SOST: variants seen among roughly 807,000 people sequenced by gnomAD.
SOST encodes the protein sclerosteosis.
SOST carries 14 observed loss-of-function variants against 16.7 expected under a neutral mutation model. That is an observed-to-expected ratio of 0.84 (90% CI 0.55 to 1.31). The LOEUF is 1.31. Ranked by LOEUF, SOST falls within the 50% of genes most tolerant of loss-of-function variation. The probability of loss-of-function intolerance (pLI) is 0.00; values close to 1 mark genes in which losing one functional copy is unlikely to be tolerated. For missense variants in SOST, 291 were observed against 310.7 expected (o/e 0.94, Z 0.48); for synonymous variants, 150 against 140.9 (o/e 1.06, Z -0.46).
In SOST at chr17:43,755,244, A is replaced by G. The variant is rs970379931; in HGVS notation, c.*98T>C. ...CTGCCCTGGGTTGCAGGCATTTACA[A>G]TGAAATATAAACAATCAAACCACGC... On this transcript the variant is annotated 3_prime_UTR_variant, in exon 2 of 2. Coordinates refer to ENST00000301691, the MANE Select transcript of SOST (RefSeq NM_025237.3). This position sits in a 1 kb window ranked among gnomAD's most constrained non-coding sequence, Gnocchi z 4.3. The G allele has an allele frequency of 4.1e-6, 5 of 1,211,196 alleles. No homozygotes were observed. Among genetic ancestry groups the G allele is most frequent in the East Asian group, 5.6e-5 (2 of 35,694 alleles). The allele number at this position is 1,211,196 out of a possible 1,614,324, so 75.0% of individuals were successfully genotyped here. A position where few individuals can be genotyped will look rare whatever the true frequency, so the allele number is the denominator to read the frequency against.
rs1030513458 is a variant in SOST, at chr17:43,755,158, C to T, written c.*184G>A. ...CTGCCCCGTGGGACCCCTCAGCTGG[C>T]GGGCTGAGGGGGGCCTTGCCGGCGC... On this transcript the variant is annotated 3_prime_UTR_variant, in exon 2 of 2. Coordinates refer to ENST00000301691, the MANE Select transcript of SOST (RefSeq NM_025237.3). The surrounding 1 kb of genome is among the most constrained non-coding windows in gnomAD (Gnocchi z 4.3). The T allele has an allele frequency of 2.1e-5, 12 of 562,176 alleles. No individual in the cohort carries two copies. Among genetic ancestry groups the T allele is most frequent in the Admixed American group, 1.6e-4 (4 of 25,644 alleles). 34.8% of individuals were successfully genotyped at this position (562,176 alleles called of 1,614,324 possible). A position where few individuals can be genotyped will look rare whatever the true frequency, so the allele number is the denominator to read the frequency against.
intron 1 of SOST, among the ~76,000 whole-genome samples, chr17:43,756,077 T>C (rs984602637): frequency 6.4e-4 from 98 of 152,258 alleles, no homozygotes; most frequent in African/African-American, 2.4e-3. Flanking sequence ...GCCCCAAGCA[T>C]TGCGAGTTAA....
At chr17:43,758,435 C>G in intron 1 of SOST, 87 bp downstream of exon 1, 1 of 1,063,218 alleles carries the variant, frequency 9.4e-7, no homozygotes, top group Non-Finnish European at 1.4e-6. Context: ...TTCACTGGGT[C>G]TACCCCAGTC....
In SOST at chr17:43,754,327, T is replaced by C. The variant is rs1974103099; in HGVS notation, c.*1015A>G. Reference sequence around the variant, plus strand: ...GAACCTTTCACTTCTCTTCGGAAGGTGACTTTAAAACATGGCTATGGGTCG... The same window carrying C: ...GAACCTTTCACTTCTCTTCGGAAGGCGACTTTAAAACATGGCTATGGGTCG... On this transcript the variant is annotated 3_prime_UTR_variant, in exon 2 of 2. Coordinates refer to ENST00000301691, the MANE Select transcript of SOST (RefSeq NM_025237.3). 1 of 150,092 alleles carries C rather than the reference T, an allele frequency of 6.7e-6. No homozygotes were observed. Among genetic ancestry groups the C allele is most frequent in the Non-Finnish European group, 1.5e-5 (1 of 67,618 alleles). 9.3% of individuals were successfully genotyped at this position (150,092 alleles called of 1,614,324 possible). A position where few individuals can be genotyped will look rare whatever the true frequency, so the allele number is the denominator to read the frequency against.
chr17:43,758,644 G>C lies in SOST; in HGVS notation c.98C>G (p.Ala33Gly). Residue 33 changes from alanine (A) to glycine (G), a missense_variant, in exon 1 of 2, where the codon GCC becomes GGC. By Grantham distance (60) the Ala-to-Gly change is moderately conservative. Coordinates refer to ENST00000301691, the MANE Select transcript of SOST (RefSeq NM_025237.3). ...GQGWQAFKND[A>G]TEIIPELGEY... Reference sequence around the variant, plus strand: ...TCCGAGCTCGGGGATGATTTCCGTGGCATCATTCTTGAACGCCTGCCACCC... The same window carrying C: ...TCCGAGCTCGGGGATGATTTCCGTGCCATCATTCTTGAACGCCTGCCACCC... 1 of 1,614,130 alleles carries C rather than the reference G, an allele frequency of 6.2e-7. No individual in the cohort carries two copies. The highest frequency in any genetic ancestry group is 8.5e-7 in the Non-Finnish European group (1 of 1,180,016).
intron 1 of SOST, among the ~76,000 whole-genome samples, chr17:43,756,233 G>C (rs1974129551): frequency 6.6e-6 from 1 of 152,108 alleles, no homozygotes; most frequent in Non-Finnish European, 1.5e-5. Context: ...GCCTGGGCAG[G>C]GTAAGTACTC....
chr17:43,757,785 T>A (rs1239226004), intron 1 of SOST, among the ~76,000 whole-genome samples: 1 of 152,150 alleles, frequency 6.6e-6, no homozygotes, highest in Non-Finnish European at 1.5e-5. Flanking sequence ...TGCACCCATG[T>A]CAGGGGCTAA....
intron 1 of SOST, among the ~76,000 whole-genome samples, chr17:43,757,391 G>A (rs932148677): frequency 3.3e-5 from 5 of 152,160 alleles, no homozygotes; most frequent in Non-Finnish European, 4.4e-5. Context: ...TTTTGAAGAC[G>A]GAGGGTCCTG....
chr17:43,755,545 G>C lies in SOST; in HGVS notation c.439C>G (p.Leu147Val), dbSNP rs1227335333. The C allele has an allele frequency of 1.9e-6, 3 of 1,595,396 alleles. No individual in the cohort carries two copies. Among genetic ancestry groups the C allele is most frequent in the Non-Finnish European group, 2.5e-6 (3 of 1,176,758 alleles). Residue 147 changes from leucine to valine, a missense_variant, in exon 2 of 2, where the codon CTG becomes GTG. Leu to Val is a conservative substitution (Grantham distance 32, BLOSUM62 1). Coordinates refer to ENST00000301691, the MANE Select transcript of SOST (RefSeq NM_025237.3). The surrounding 1 kb of genome is among the most constrained non-coding windows in gnomAD (Gnocchi z 4.3). ...CGCGGCGCCTCACCACCGGGACACA[G>C]CAGCTGCACGCGCTGCGCGCGGTAG... ...DRYRAQRVQL[L>V]CPGGEAPRAR...
chr17:43,755,819 ACC>A lies in SOST; in HGVS notation c.221-58_221-57del. 4 of 1,526,326 alleles carry A rather than the reference ACC, an allele frequency of 2.6e-6. No individual in the cohort carries two copies. Among genetic ancestry groups the A allele is most frequent in the Non-Finnish European group, 2.6e-6 (3 of 1,141,602 alleles). The allele number at this position is 1,526,326 out of a possible 1,614,324, so 94.5% of individuals were successfully genotyped here. A position where few individuals can be genotyped will look rare whatever the true frequency, so the allele number is the denominator to read the frequency against. ...GCCCGCCTGGCCACCCCTGCCCTGG[ACC>A]GGCCCGTCTCTCTCCACCCCAGCCC... On this transcript the variant is annotated intron_variant, in intron 1 of 1. Coordinates refer to ENST00000301691, the MANE Select transcript of SOST (RefSeq NM_025237.3). The surrounding 1 kb of genome is among the most constrained non-coding windows in gnomAD (Gnocchi z 4.3).
Position 43,756,961 on chromosome 17 carries a change from G to T in SOST, c.221-1198C>A, listed in dbSNP as rs115565514. Among the ~76,000 whole-genome samples the T allele has an allele frequency of 8.5e-3, 1,293 of 152,290 alleles. 19 individuals carry two copies. Among genetic ancestry groups the T allele is most frequent in the African/African-American group, 0.029 (1,225 of 41,562 alleles). On this transcript the variant is annotated intron_variant, in intron 1 of 1. Coordinates refer to ENST00000301691, the MANE Select transcript of SOST (RefSeq NM_025237.3). ...ATGTGACAAGAAAGAATGAAAAATA[G>T]TCTTAAGACCAAACCAGAGAGGGGA...
chr17:43,756,387 G>A (rs951817904), intron 1 of SOST, among the ~76,000 whole-genome samples: 3 of 152,118 alleles, frequency 2.0e-5, no homozygotes, highest in Non-Finnish European at 4.4e-5. Context: ...GGACTGAAGG[G>A]GAGGTGATCA....
chr17:43,757,220 G>C (rs1379695632), intron 1 of SOST, among the ~76,000 whole-genome samples: 1 of 152,250 alleles, frequency 6.6e-6, no homozygotes, highest in Non-Finnish European at 1.5e-5. Context: ...TCATGACTTT[G>C]TTTTGAGCAT....
At position 43,755,893 on chromosome 17, in the gene SOST, AT is replaced by A. The variant is rs1974125879; in HGVS notation, c.221-131del. The A allele has an allele frequency of 9.2e-7, 1 of 1,083,750 alleles. No homozygotes were observed. Among genetic ancestry groups the A allele is most frequent in the Non-Finnish European group, 1.3e-6 (1 of 767,004 alleles). 67.1% of individuals were successfully genotyped at this position (1,083,750 alleles called of 1,614,324 possible). ...CAGAGGCTTTTGCCCCTGAACATCTATTGCAGGAAGGTCCCAGATGCTCTAG... is the reference window on the plus strand; with the variant it reads ...CAGAGGCTTTTGCCCCTGAACATCTATGCAGGAAGGTCCCAGATGCTCTAG... On this transcript the variant is annotated intron_variant, in intron 1 of 1. Coordinates refer to ENST00000301691, the MANE Select transcript of SOST (RefSeq NM_025237.3). The surrounding 1 kb of genome is among the most constrained non-coding windows in gnomAD (Gnocchi z 4.3).
At chr17:43,756,282 CT>C (rs1326010364) in intron 1 of SOST, among the ~76,000 whole-genome samples, 4 of 152,210 alleles carry the variant, frequency 2.6e-5, no homozygotes, top group Admixed American at 2.6e-4. Flanking sequence ...TCCCAAATTC[CT>C]TTTCCAGCCA....
rs1324682145 is a variant in SOST at position 43,758,749 on chromosome 17, G to A, written c.-8C>T. ...GGCCAGTGGGAGCTGCATGGTACCA[G>A]CCAGAGGAGGGCACGCCACCTTCCA... On this transcript the variant is annotated 5_prime_UTR_variant, in exon 1 of 2. Transcript: ENST00000301691. The A allele has an allele frequency of 1.9e-6, 3 of 1,610,776 alleles. No homozygotes were observed. In the Admixed American group the frequency reaches 5.0e-5, roughly 27 times the overall value.
chr17:43,755,754 T>A lies in SOST; in HGVS notation c.230A>T (p.Glu77Val). ...HHPFETKDVS[E>V]YSCRELHFTR... ...GAAGTGCAGCTCGCGGCAGCTGTAC[T>A]CGGACACGTCTGTGGAGAGAGGCGC... The change falls in exon 2 of 2, where the codon GAG becomes GTG. Residue 77 changes from glutamate to valine, a missense_variant. Transcript: ENST00000301691. This position sits in a 1 kb window ranked among gnomAD's most constrained non-coding sequence, Gnocchi z 4.3. 6.3e-7 allele frequency: 1 copy of A among 1,580,316 alleles called. No homozygotes were observed. Among genetic ancestry groups the A allele is most frequent in the African/African-American group, 1.3e-5 (1 of 74,582 alleles).
In SOST at chr17:43,755,470, G is replaced by T; in HGVS notation, c.514C>A (p.Arg172Ser). ...VASCKCKRLT[R>S]FHNQSELKDF... Reference sequence around the variant, plus strand: ...TTGAGCTCCGACTGGTTGTGGAAGCGGGTGAGGCGCTTGCACTTGCACGAG... The same window carrying T: ...TTGAGCTCCGACTGGTTGTGGAAGCTGGTGAGGCGCTTGCACTTGCACGAG... Residue 172 changes from arginine to serine, a missense_variant, in exon 2 of 2, where the codon CGC (arginine) becomes AGC (serine). Coordinates refer to ENST00000301691, the MANE Select transcript of SOST (RefSeq NM_025237.3). The surrounding 1 kb of genome is among the most constrained non-coding windows in gnomAD (Gnocchi z 4.3). The T allele has an allele frequency of 6.3e-7, 1 of 1,597,410 alleles. No individual in the cohort carries two copies. Among genetic ancestry groups the T allele is most frequent in the Middle Eastern group, 1.7e-4 (1 of 6,052 alleles).
rs530191601 is a variant in SOST, at chr17:43,755,090, C to T, written c.*252G>A. 2.1e-6 allele frequency: 1 copy of T among 469,100 alleles called. No homozygotes were observed. Among genetic ancestry groups the T allele is most frequent in the East Asian group, 3.5e-5 (1 of 28,196 alleles). The allele number at this position is 469,100 out of a possible 1,614,324, so 29.1% of individuals were successfully genotyped here. A position where few individuals can be genotyped will look rare whatever the true frequency, so the allele number is the denominator to read the frequency against. On this transcript the variant is annotated 3_prime_UTR_variant, in exon 2 of 2. Coordinates refer to ENST00000301691, the MANE Select transcript of SOST (RefSeq NM_025237.3). This position sits in a 1 kb window ranked among gnomAD's most constrained non-coding sequence, Gnocchi z 4.3. ...CAGCAAAGGTAGGCGGCCCCAGAGGCGGGGCTGCGTGGCTCAGTGTCTGTG... is the reference window on the plus strand; with the variant it reads ...CAGCAAAGGTAGGCGGCCCCAGAGGTGGGGCTGCGTGGCTCAGTGTCTGTG...
Sources: gnomAD v4.1 joint callset for allele counts (sites outside exome capture counted in the v4.1 genomes callset) on GRCh38, gnomAD v4.1.1 for gene constraint, Gnocchi (gnomAD v3.1) non-coding constraint, MANE v1.5 for transcripts, NCBI Gene and HGNC (gene_info 2026-07-23, HGNC 2026-07-21) for gene names.